The following CCBE1 variants were observed in gnomAD, a reference collection of about 807,000 sequenced individuals.
The protein encoded by CCBE1 is collagen and calcium binding EGF domains 1, also known as collagen and calcium-binding EGF domain-containing protein 1.
CCBE1 carries 37 observed loss-of-function variants against 50.0 expected under a neutral mutation model. That is an observed-to-expected ratio of 0.74 (90% confidence interval 0.57 to 0.97). CCBE1 has a LOEUF of 0.97. CCBE1 is among the 50% of genes least tolerant of loss of function. CCBE1 has a pLI of 0.00. For missense variants in CCBE1, 538 were observed against 523.8 expected (o/e 1.03, Z -0.26); for synonymous variants, 234 against 203.7 (o/e 1.15, Z -1.27).
intron 7 of CCBE1, among the ~76,000 whole-genome samples, chr18:59,446,361 G>A (rs567113457): frequency 1.3e-5 from 2 of 152,214 alleles, no homozygotes; most frequent in Non-Finnish European, 1.5e-5. Context: ...TTCTCTTAGA[G>A]GAGGGTGGAG....
At chr18:59,512,643 C>T (rs1283800307) in intron 2 of CCBE1, among the ~76,000 whole-genome samples, 2 of 152,244 alleles carry the variant, frequency 1.3e-5, no homozygotes, top group African/African-American at 4.8e-5. Flanking sequence ...GCAGGAAAGA[C>T]CCCATAGTGG....
At chr18:59,441,475 C>T (rs1477822501) in intron 7 of CCBE1, among the ~76,000 whole-genome samples, 1 of 130,556 alleles carries the variant, frequency 7.7e-6, no homozygotes, top group Non-Finnish European at 1.6e-5. Flanking sequence ...CAAAGCGAGA[C>T]TCCATCTCAA....
intron 2 of CCBE1, among the ~76,000 whole-genome samples, chr18:59,529,316 G>A (rs1052923385): frequency 6.6e-6 from 1 of 152,238 alleles, no homozygotes; most frequent in African/African-American, 2.4e-5. Context: ...AATCTCCCAG[G>A]CACTGGCAGG....
chr18:59,491,938 G>T (rs542493869), intron 2 of CCBE1, among the ~76,000 whole-genome samples: 1 of 151,904 alleles, frequency 6.6e-6, no homozygotes, highest in South Asian at 2.1e-4. Flanking sequence ...CTGAGCTCAG[G>T]AGTTCGAGAC....
At chr18:59,587,233 A>G (rs9951028) in intron 2 of CCBE1, among the ~76,000 whole-genome samples, 2,726 of 152,326 alleles carry the variant, frequency 0.018, 64 homozygotes, top group African/African-American at 0.062. Flanking sequence ...TCAGTCATGA[A>G]TATCAATGTG....
intron 2 of CCBE1, among the ~76,000 whole-genome samples, chr18:59,508,255 G>A (rs1913973149): frequency 6.6e-6 from 1 of 152,002 alleles, no homozygotes; most frequent in African/African-American, 2.4e-5. Context: ...TGGCTTTGGA[G>A]TCAGACCAGA....
At chr18:59,697,102 G>T (rs1407200229) in intron 1 of CCBE1, 110 bp downstream of exon 1, 2 of 1,412,062 alleles carry the variant, frequency 1.4e-6, no homozygotes, top group African/African-American at 1.4e-5. Context: ...GGAGAAGTGA[G>T]GGCGTGCGGA....
chr18:59,463,711 A>C (rs1302917251), intron 5 of CCBE1, among the ~76,000 whole-genome samples: 3 of 152,178 alleles, frequency 2.0e-5, no homozygotes, highest in Non-Finnish European at 4.4e-5. Flanking sequence ...CCAACATCGA[A>C]TCTCAACCTA....
chr18:59,625,462 C>T (rs1355900366), intron 2 of CCBE1, among the ~76,000 whole-genome samples: 2 of 136,556 alleles, frequency 1.5e-5, no homozygotes, highest in East Asian at 2.1e-4. Flanking sequence ...AAATTGTAGC[C>T]ATATACTGAT....
At chr18:59,667,613 C>G (rs571318381) in intron 2 of CCBE1, among the ~76,000 whole-genome samples, 1 of 152,306 alleles carries the variant, frequency 6.6e-6, no homozygotes, top group Admixed American at 6.5e-5. Context: ...ACCAACCCAC[C>G]GCTCTGGAGA....
intron 2 of CCBE1, among the ~76,000 whole-genome samples, chr18:59,566,725 A>G (rs2052834619): frequency 6.6e-6 from 1 of 152,194 alleles, no homozygotes; most frequent in Non-Finnish European, 1.5e-5. Flanking sequence ...ACTACCACTG[A>G]CAGTGCAGCT....
At chr18:59,534,032 G>C (rs372757515) in intron 2 of CCBE1, among the ~76,000 whole-genome samples, 1 of 152,200 alleles carries the variant, frequency 6.6e-6, no homozygotes, top group East Asian at 1.9e-4. Context: ...AAATTGACTT[G>C]GAGAATCCCC....
chr18:59,430,986 A>C lies in CCBE1; in HGVS notation c.*4922T>G, dbSNP rs963095862. ...AAGCATATACAATCATAACAAAAGT[A>C]CATCATAGTATCACATCCATAATTG... On this transcript the variant is annotated 3_prime_UTR_variant, in exon 11 of 11. Coordinates refer to ENST00000439986, the MANE Select transcript of CCBE1 (RefSeq NM_133459.4). The C allele has an allele frequency of 6.6e-6, 1 of 152,242 alleles. No individual in the cohort carries two copies. The highest frequency in any genetic ancestry group is 6.5e-5 in the Admixed American group (1 of 15,292). 9.4% of individuals were successfully genotyped at this position (152,242 alleles called of 1,614,324 possible).
At chr18:59,470,079 T>G (rs1431283049) in intron 3 of CCBE1, among the ~76,000 whole-genome samples, 3 of 152,140 alleles carry the variant, frequency 2.0e-5, no homozygotes, top group Non-Finnish European at 2.9e-5. Context: ...AAGGGGGCTT[T>G]GTGTATACAT....
At chr18:59,613,045 C>G (rs1194274989) in intron 2 of CCBE1, among the ~76,000 whole-genome samples, 1 of 151,816 alleles carries the variant, frequency 6.6e-6, no homozygotes, top group Non-Finnish European at 1.5e-5. Context: ...GAAGACAGAC[C>G]TAAAGGAAAC....
intron 2 of CCBE1, among the ~76,000 whole-genome samples, chr18:59,648,228 A>T (rs1422350932): frequency 6.6e-6 from 1 of 152,218 alleles, no homozygotes. Flanking sequence ...ACACACACAC[A>T]TTCCCTTTTT....
At chr18:59,509,012 T>C (rs1374171802) in intron 2 of CCBE1, among the ~76,000 whole-genome samples, 1 of 152,196 alleles carries the variant, frequency 6.6e-6, no homozygotes, top group Non-Finnish European at 1.5e-5. Flanking sequence ...TGGTCCCTAT[T>C]CTCATTTACC....
chr18:59,451,278 A>T (rs539368998), intron 6 of CCBE1, among the ~76,000 whole-genome samples: 1 of 152,024 alleles, frequency 6.6e-6, no homozygotes, highest in African/African-American at 2.4e-5. Context: ...CCAGGCAGCC[A>T]CCGAGGGAGG....
At chr18:59,531,613 A>G (rs912999721) in intron 2 of CCBE1, among the ~76,000 whole-genome samples, 2 of 152,054 alleles carry the variant, frequency 1.3e-5, no homozygotes, top group Non-Finnish European at 2.9e-5. Flanking sequence ...CTTGGCATGG[A>G]GGTACATGTC....
Sources: allele counts gnomAD v4.1 joint callset (sites outside exome capture counted in the v4.1 genomes callset), GRCh38; gene constraint gnomAD v4.1.1; transcripts MANE v1.5; gene names NCBI Gene and HGNC (gene_info 2026-07-23, HGNC 2026-07-21).